The following PTER variants were observed in gnomAD, a reference collection of about 807,000 sequenced individuals.
The protein encoded by PTER is phosphotriesterase related.
PTER carries 38 observed loss-of-function variants against 29.6 expected under a neutral mutation model. The observed-to-expected ratio is 1.28, with a 90% CI of 0.99 to 1.68. PTER has a LOEUF of 1.68. Ranked by LOEUF, PTER falls within the 40% of genes most tolerant of loss-of-function variation. The probability of loss-of-function intolerance (pLI) is 0.00; values close to 1 mark genes in which losing one functional copy is unlikely to be tolerated. For missense variants in PTER, 482 were observed against 427.8 expected, an observed-to-expected ratio of 1.13 and a Z score of -1.12; for synonymous variants, 172 against 154.5, an observed-to-expected ratio of 1.11 and a Z score of -0.84.
At chr10:16,517,906 A>G (rs184997396), downstream of PTER, among the ~76,000 whole-genome samples, 462 of 152,334 alleles carry the variant, frequency 3.0e-3, 6 homozygotes, top group African/African-American at 0.011. Flanking sequence ...TGATGTTTCC[A>G]TCTGTGATCT....
intron 1 of PTER, among the ~76,000 whole-genome samples, chr10:16,483,337 C>G (rs1373551217): frequency 6.6e-6 from 1 of 152,106 alleles, no homozygotes; most frequent in Non-Finnish European, 1.5e-5. Context: ...TTTCTGTGTG[C>G]CCTAGACAAT....
chr10:16,495,921 C>T (rs1210335766), intron 3 of PTER, among the ~76,000 whole-genome samples: 1 of 152,154 alleles, frequency 6.6e-6, no homozygotes, highest in Non-Finnish European at 1.5e-5. Flanking sequence ...TCACAGCCTG[C>T]TCCTTGTTCT....
At chr10:16,472,532 A>G (rs1835091692) in intron 1 of PTER, among the ~76,000 whole-genome samples, 1 of 151,920 alleles carries the variant, frequency 6.6e-6, no homozygotes, top group African/African-American at 2.4e-5. Context: ...TTTGTTCCTC[A>G]TTTGCCGTCC....
chr10:16,448,079 C>T lies in PTER; in HGVS notation c.-49+11032C>T, dbSNP rs537851446. Among the ~76,000 whole-genome samples the T allele has an allele frequency of 6.6e-5, 10 of 152,262 alleles. No homozygotes were observed. In the South Asian group the frequency reaches 1.0e-3, roughly 16 times the overall value. The stretch of plus-strand genomic sequence containing the variant: ...GGTGACTTGATGACCCATAGTTAAA[C>T]GTTCAGTTTCTACCAAAGCCCAGTA... On this transcript the variant is annotated intron_variant, in intron 1 of 4. Coordinates refer to ENST00000535784, the MANE Select transcript of PTER (RefSeq NM_001261836.2).
At chr10:16,499,893 C>G (rs1836267789) in intron 3 of PTER, among the ~76,000 whole-genome samples, 1 of 151,986 alleles carries the variant, frequency 6.6e-6, no homozygotes, top group Non-Finnish European at 1.5e-5. Context: ...CTCTTCCCCT[C>G]TTTTTCTTTC....
At chr10:16,508,773 T>C (rs1414655386) in intron 4 of PTER, among the ~76,000 whole-genome samples, 1 of 152,210 alleles carries the variant, frequency 6.6e-6, no homozygotes, top group Non-Finnish European at 1.5e-5. Context: ...CCATGCATTC[T>C]CGCTTGACCC....
chr10:16,486,276 C>T, intron 2 of PTER, 76 bp from the exon 3 acceptor site: 1 of 1,341,052 alleles, frequency 7.5e-7, no homozygotes, highest in Non-Finnish European at 1.0e-6. Context: ...TAAATAAATT[C>T]ATTCACATAC....
chr10:16,438,013 T>C lies in PTER; in HGVS notation c.-49+966T>C, dbSNP rs368759369. The stretch of plus-strand genomic sequence containing the variant: ...GTGACTTTCTACAAGTTGGTTTTCT[T>C]TTGCTTTTTTTAAAGACAGAGTCTC... On this transcript the variant is annotated intron_variant, in intron 1 of 4. Coordinates refer to ENST00000535784, the MANE Select transcript of PTER (RefSeq NM_001261836.2). 4.6e-5 allele frequency among the ~76,000 whole-genome samples: 7 copies of C among 152,270 alleles called. No homozygotes were observed. In the East Asian group the frequency reaches 5.8e-4, roughly 13 times the overall value.
chr10:16,454,051 G>A (rs75546415), intron 1 of PTER, among the ~76,000 whole-genome samples: 1 of 152,228 alleles, frequency 6.6e-6, no homozygotes, highest in Non-Finnish European at 1.5e-5. Context: ...CTTCCTCTTG[G>A]GGAAATAGTG....
At chr10:16,487,550 C>T (rs1245978057) in intron 3 of PTER, among the ~76,000 whole-genome samples, 3 of 152,164 alleles carry the variant, frequency 2.0e-5, no homozygotes, top group Non-Finnish European at 4.4e-5. Flanking sequence ...CAAATAATGT[C>T]ACTTTCAGAG....
In PTER at chr10:16,500,228, CTT is replaced by C. The variant is rs72171974; in HGVS notation, c.699-4779_699-4778del. Among the ~76,000 whole-genome samples the C allele has an allele frequency of 2.6e-3, 386 of 146,726 alleles. 2 individuals carry two copies. Among genetic ancestry groups the C allele is most frequent in the Middle Eastern group, 3.6e-3 (1 of 280 alleles). ...AGCGGATAAGAATTCATAGGGATTA[CTT>C]TTTTTTTTTTTTGAGACAAGGTCTC... On this transcript the variant is annotated intron_variant, in intron 3 of 4. Coordinates refer to ENST00000535784, the MANE Select transcript of PTER (RefSeq NM_001261836.2).
intron 3 of PTER, among the ~76,000 whole-genome samples, chr10:16,500,766 G>T (rs1022885278): frequency 4.0e-5 from 6 of 151,388 alleles, no homozygotes; most frequent in Non-Finnish European, 1.5e-5. Flanking sequence ...TTAGAGTCAG[G>T]GGCTCACTCT....
intron 1 of PTER, among the ~76,000 whole-genome samples, chr10:16,480,431 A>C (rs1835436803): frequency 6.6e-6 from 1 of 152,080 alleles, no homozygotes; most frequent in African/African-American, 2.4e-5. Context: ...CCTGGCCTTA[A>C]GTGATCTGCC....
At chr10:16,445,293 T>C (rs1318595770) in intron 1 of PTER, among the ~76,000 whole-genome samples, 1 of 152,158 alleles carries the variant, frequency 6.6e-6, no homozygotes, top group Non-Finnish European at 1.5e-5. Flanking sequence ...CTGCCTGTAA[T>C]CACAGCTACT....
chr10:16,472,526 T>C (rs1400793247), intron 1 of PTER, among the ~76,000 whole-genome samples: 1 of 152,160 alleles, frequency 6.6e-6, no homozygotes, highest in East Asian at 1.9e-4. Flanking sequence ...CATGGCTTTG[T>C]TCCTCATTTG....
downstream of PTER, chr10:16,514,782 T>A (rs902127701): frequency 2.2e-5 from 24 of 1,115,780 alleles, no homozygotes; most frequent in Non-Finnish European, 3.1e-5. Context: ...TCATGTAGCA[T>A]CACAAGCTGA....
intron 1 of PTER, among the ~76,000 whole-genome samples, chr10:16,439,135 G>A (rs1472429489): frequency 6.6e-6 from 1 of 152,108 alleles, no homozygotes; most frequent in Non-Finnish European, 1.5e-5. Context: ...TAGTCAGGAA[G>A]GGTCTGTTTA....
downstream of PTER, chr10:16,514,701 C>A (rs1477979113): frequency 6.2e-7 from 1 of 1,610,102 alleles, no homozygotes; most frequent in South Asian, 1.1e-5. Context: ...ATTGCACTAG[C>A]ACGCACCTAT....
chr10:16,503,439 C>G (rs1836440511), intron 3 of PTER, among the ~76,000 whole-genome samples: 1 of 151,950 alleles, frequency 6.6e-6, no homozygotes, highest in Non-Finnish European at 1.5e-5. Context: ...GAGTCTCACT[C>G]TGTTGCCCAG....
Sources: allele counts gnomAD v4.1 joint callset (sites outside exome capture counted in the v4.1 genomes callset), GRCh38; gene constraint gnomAD v4.1.1; transcripts MANE v1.5; gene names NCBI Gene and HGNC (gene_info 2026-07-23, HGNC 2026-07-21).